Variants in C16orf96 observed in about 807,000 individuals in gnomAD.
The protein encoded by C16orf96 is uncharacterized protein C16orf96.
In C16orf96, 108 loss-of-function variants were observed where a neutral mutation model predicts 103.6. The observed-to-expected ratio is 1.04, with a 90% CI of 0.89 to 1.22. The LOEUF (loss-of-function observed/expected upper bound fraction) is 1.22, where lower values mean the gene tolerates loss of function less well. Among genes scored for constraint, C16orf96 ranks in the 50% most tolerant of loss-of-function variants. The pLI, the probability that C16orf96 is intolerant of heterozygous loss-of-function variation, is 0.00. For synonymous variants in C16orf96, 566 were observed against 593.5 expected (o/e 0.95, Z 0.67); for missense variants, 1,586 against 1,464.2 (o/e 1.08, Z -1.36).
chr16:4,554,582 T>A (rs559278391), upstream of C16orf96, among the ~76,000 whole-genome samples: 1 of 151,786 alleles, frequency 6.6e-6, no homozygotes, highest in Admixed American at 6.6e-5. Flanking sequence ...GTCTCAATCT[T>A]CTGACCTCGT....
At chr16:4,547,448 T>C in the C16orf96 span, among the ~76,000 whole-genome samples, 6 of 148,784 alleles carry the variant, frequency 4.0e-5, no homozygotes, top group Admixed American at 6.6e-5. Flanking sequence ...ACTTATTGTG[T>C]GATTCAGTTT....
chr16:4,556,346 G>C lies in C16orf96; in HGVS notation c.-144G>C. 1 of 769,016 alleles carries C rather than the reference G, an allele frequency of 1.3e-6. No individual in the cohort carries two copies. Among genetic ancestry groups the C allele is most frequent in the Non-Finnish European group, 2.0e-6 (1 of 499,348 alleles). 47.6% of individuals were successfully genotyped at this position (769,016 alleles called of 1,614,324 possible). ...TCTGATCTGAGCTCCAGCCAGAACA[G>C]AGGCCATTCCTCCCTGACTGCTGTG... On this transcript the variant is annotated 5_prime_UTR_variant, in exon 1 of 16. Coordinates refer to ENST00000444310, the MANE Select transcript of C16orf96 (RefSeq NM_001145011.2).
intron 7 of C16orf96, among the ~76,000 whole-genome samples, chr16:4,581,861 TG>T (rs2059592797): frequency 6.7e-6 from 1 of 149,834 alleles, no homozygotes; most frequent in Non-Finnish European, 1.5e-5. Context: ...GAGGCTGAGG[TG>T]GGAGGATTGC....
intron 7 of C16orf96, among the ~76,000 whole-genome samples, chr16:4,584,691 C>T (rs1896876904): frequency 6.6e-6 from 1 of 152,116 alleles, no homozygotes; most frequent in African/African-American, 2.4e-5. Context: ...TTTGCCACCA[C>T]ACTCGGCTAA....
At chr16:4,562,988 C>T (rs1251051519) in intron 1 of C16orf96, 1 of 1,191,330 alleles carries the variant, frequency 8.4e-7, no homozygotes, top group African/African-American at 1.5e-5. Context: ...CAACGTACCT[C>T]ATTTTCCCAA....
intron 7 of C16orf96, among the ~76,000 whole-genome samples, chr16:4,583,502 T>C (rs1456351426): frequency 2.6e-5 from 4 of 151,984 alleles, no homozygotes; most frequent in South Asian, 4.1e-4. Flanking sequence ...TGAGACTCTG[T>C]CTCAAAAACT....
chr16:4,576,297 C>T lies in C16orf96; in HGVS notation c.1817C>T (p.Ala606Val). The T allele has an allele frequency of 6.4e-7, 1 of 1,550,818 alleles. No individual in the cohort carries two copies. Among genetic ancestry groups the T allele is most frequent in the South Asian group, 1.2e-5 (1 of 84,066 alleles). The stretch of plus-strand genomic sequence containing the variant: ...GATGCCCCAGCCACCAAAATGGCCG[C>T]CATTGCAACAGACACGGCTGCAGCT... ...VKDAPATKMAAIATDTAAAGP... is the reference protein window; with the variant it reads ...VKDAPATKMAVIATDTAAAGP... The change falls in exon 5 of 16, where the codon GCC becomes GTC. Residue 606 changes from alanine (A) to valine (V), a missense_variant. Coordinates refer to ENST00000444310, the MANE Select transcript of C16orf96 (RefSeq NM_001145011.2).
At chr16:4,539,277 T>C in the C16orf96 span, among the ~76,000 whole-genome samples, 1 of 152,242 alleles carries the variant, frequency 6.6e-6, no homozygotes, top group Non-Finnish European at 1.5e-5. Flanking sequence ...ACTTAGTTTA[T>C]AGTTTAATAT....
At chr16:4,547,543 G>C in the C16orf96 span, among the ~76,000 whole-genome samples, 4 of 152,122 alleles carry the variant, frequency 2.6e-5, no homozygotes, top group Non-Finnish European at 5.9e-5. Flanking sequence ...GGGGAGTTCA[G>C]GCGAAATGGG....
At position 4,584,075 on chromosome 16, in the gene C16orf96, A is replaced by T. The variant is rs148237989; in HGVS notation, c.2353-2964A>T. Among the ~76,000 whole-genome samples the T allele has an allele frequency of 2.1e-3, 315 of 152,330 alleles. 1 individual carries two copies. The highest frequency in any genetic ancestry group is 7.3e-3 in the African/African-American group (302 of 41,576). ...GGAATAACAGTAAGTCTTAAGTCCG[A>T]TAGCAATCCTCTAGATGACACAAGG... On this transcript the variant is annotated intron_variant, in intron 7 of 15. Coordinates refer to ENST00000444310, the MANE Select transcript of C16orf96 (RefSeq NM_001145011.2).
rs1200798376 is a variant in C16orf96 at position 4,556,769 on chromosome 16, C to A, written c.280C>A (p.Gln94Lys). Residue 94 changes from glutamine to lysine, a missense_variant, in exon 1 of 16, where the codon CAG (glutamine) becomes AAG (lysine). By Grantham distance (53) the Gln-to-Lys change is moderately conservative (BLOSUM62 1). Transcript: ENST00000444310. The stretch of plus-strand genomic sequence containing the variant: ...GAGCCGCCTCGACAAGTTGGAGAAC[C>A]AGCTGGCCCTGCTGCAGGACCTGCC... ...VVSRLDKLEN[Q>K]LALLQDLPST... 12 of 1,551,592 alleles carry A rather than the reference C, an allele frequency of 7.7e-6. No individual in the cohort carries two copies. Among genetic ancestry groups the A allele is most frequent in the African/African-American group, 2.7e-5 (2 of 73,048 alleles).
intron 7 of C16orf96, among the ~76,000 whole-genome samples, chr16:4,581,827 A>G (rs1011392771): frequency 1.3e-5 from 2 of 151,766 alleles, no homozygotes; most frequent in Admixed American, 1.3e-4. Context: ...GTGGTAGCAC[A>G]TGCCTGTAGT....
intron 1 of C16orf96, among the ~76,000 whole-genome samples, chr16:4,564,614 C>T (rs2059368032): frequency 6.6e-6 from 1 of 152,136 alleles, no homozygotes; most frequent in Non-Finnish European, 1.5e-5. Context: ...AGTTCCAGGC[C>T]AGCCTGGCCG....
In C16orf96 at chr16:4,600,085, C is replaced by T; in HGVS notation, c.3209-15C>T. The T allele has an allele frequency of 6.5e-7, 1 of 1,549,456 alleles. No homozygotes were observed. The highest frequency in any genetic ancestry group is 8.7e-7 in the Non-Finnish European group (1 of 1,146,546). On this transcript the variant is annotated splice_polypyrimidine_tract_variant and intron_variant, in intron 15 of 15. Transcript: ENST00000444310. ...TTCTTGGCACACATCTAGGGTTTCT[C>T]CTGCCCCTCCCCAGCCCTGTGCCCC...
At chr16:4,542,954 A>G in the C16orf96 span, among the ~76,000 whole-genome samples, 2 of 152,172 alleles carry the variant, frequency 1.3e-5, no homozygotes, top group East Asian at 3.8e-4. Flanking sequence ...TGGACAGCAC[A>G]GATCTAGAAT....
At chr16:4,539,464 A>G in the C16orf96 span, among the ~76,000 whole-genome samples, 3 of 152,192 alleles carry the variant, frequency 2.0e-5, no homozygotes, top group Admixed American at 6.5e-5. Context: ...CAGGTGGATC[A>G]CTTGAGGTCA....
rs573057275 is a variant in C16orf96, at chr16:4,591,628, A to C, written c.2593-38A>C. 37 of 1,484,554 alleles carry C rather than the reference A, an allele frequency of 2.5e-5. No individual in the cohort carries two copies. In the African/African-American group the frequency reaches 3.3e-4, roughly 13 times the overall value. 92.0% of individuals were successfully genotyped at this position (1,484,554 alleles called of 1,614,324 possible). A position where few individuals can be genotyped will look rare whatever the true frequency, so the allele number is the denominator to read the frequency against. On this transcript the variant is annotated intron_variant, in intron 9 of 15. Transcript: ENST00000444310. ...GGAAGGAGGCAGGGTGTGAATTCATAGAGTATTCTTTCTTATCTTCCCCTT... is the reference window on the plus strand; with the variant it reads ...GGAAGGAGGCAGGGTGTGAATTCATCGAGTATTCTTTCTTATCTTCCCCTT...
At chr16:4,578,491 A>G (rs2059541285) in intron 5 of C16orf96, among the ~76,000 whole-genome samples, 1 of 152,086 alleles carries the variant, frequency 6.6e-6, no homozygotes. Context: ...CGGGTGCGGT[A>G]GCTCATGCCT....
chr16:4,567,488 G>T (rs376027951), intron 1 of C16orf96, among the ~76,000 whole-genome samples: 14 of 150,678 alleles, frequency 9.3e-5, no homozygotes, highest in African/African-American at 3.4e-4. Flanking sequence ...GGGTTTCACC[G>T]TGTTAGCCAG....
Sources: allele counts gnomAD v4.1 joint callset (sites outside exome capture counted in the v4.1 genomes callset), GRCh38; gene constraint gnomAD v4.1.1; transcripts MANE v1.5; gene names NCBI Gene and HGNC (gene_info 2026-07-23, HGNC 2026-07-21).